The following PRKAG2 variants were observed in gnomAD, a reference collection of about 807,000 sequenced individuals.
PRKAG2 encodes protein kinase AMP-activated non-catalytic subunit gamma 2.
In PRKAG2, 26 loss-of-function variants were observed where a neutral mutation model predicts 69.6. The observed-to-expected ratio is 0.37, with a 90% CI of 0.27 to 0.52. The LOEUF is 0.52. Ranked by LOEUF, PRKAG2 falls within the 20% of genes least tolerant of loss-of-function variation. The pLI is 0.90. For synonymous variants in PRKAG2, 293 were observed against 285.0 expected (o/e 1.03, Z -0.28); for missense variants, 557 against 740.0 (o/e 0.75, Z 2.87).
At chr7:151,574,033 C>A (rs1182718480) in intron 8 of PRKAG2, among the ~76,000 whole-genome samples, 1 of 152,206 alleles carries the variant, frequency 6.6e-6, no homozygotes, top group South Asian at 2.1e-4. Flanking sequence ...CTTACTTCGG[C>A]TTCCCAAAGT....
chr7:151,649,221 G>T (rs370179047), intron 4 of PRKAG2, among the ~76,000 whole-genome samples: 14 of 152,220 alleles, frequency 9.2e-5, no homozygotes, highest in East Asian at 3.9e-4. Context: ...CACCTCCCAG[G>T]TTCAAACGAT....
chr7:151,870,574 G>C (rs1454373119), intron 1 of PRKAG2, among the ~76,000 whole-genome samples: 5 of 152,194 alleles, frequency 3.3e-5, no homozygotes, highest in Non-Finnish European at 5.9e-5. Context: ...GCTTCCATCC[G>C]GAGCGTTTCA....
chr7:151,560,678 T>G (rs1804742403), intron 14 of PRKAG2, 61 bp from the exon 15 acceptor site: 2 of 1,588,180 alleles, frequency 1.3e-6, no homozygotes, highest in African/African-American at 2.7e-5. Context: ...AAAATGGACA[T>G]GAGAAATAAT....
intron 2 of PRKAG2, among the ~76,000 whole-genome samples, chr7:151,785,508 T>G (rs1434438903): frequency 2.6e-5 from 4 of 152,208 alleles, no homozygotes; most frequent in Non-Finnish European, 5.9e-5. Flanking sequence ...CTGGCACCAG[T>G]GGAGCCCCAC....
intron 2 of PRKAG2, among the ~76,000 whole-genome samples, chr7:151,782,380 A>AGGGAGGGAGG (rs1563663670): frequency 1.6e-4 from 10 of 61,762 alleles, no homozygotes; most frequent in Admixed American, 1.7e-4. Flanking sequence ...AGGGAAGGAA[A>AGGGAGGGAGG]GAAGGAAGGA....
chr7:151,594,830 C>CA (rs930518200), intron 6 of PRKAG2, among the ~76,000 whole-genome samples: 1 of 151,838 alleles, frequency 6.6e-6, no homozygotes, highest in Non-Finnish European at 1.5e-5. Context: ...GATGGAGTCT[C>CA]ACTCTGTTGC....
At chr7:151,577,600 A>C (rs1355754851) in intron 6 of PRKAG2, among the ~76,000 whole-genome samples, 1 of 152,200 alleles carries the variant, frequency 6.6e-6, no homozygotes, top group Non-Finnish European at 1.5e-5. Context: ...AGAATCACAA[A>C]GTATTCATAT....
intron 1 of PRKAG2, among the ~76,000 whole-genome samples, chr7:151,827,402 CTAA>C (rs758461825): frequency 3.3e-5 from 5 of 152,032 alleles, no homozygotes; most frequent in Non-Finnish European, 7.4e-5. Flanking sequence ...CCACACCCAG[CTAA>C]TGTTTGTATT....
At chr7:151,815,348 G>T (rs889443574) in intron 1 of PRKAG2, among the ~76,000 whole-genome samples, 1 of 152,136 alleles carries the variant, frequency 6.6e-6, no homozygotes, top group African/African-American at 2.4e-5. Context: ...AATTCCTGGA[G>T]ATAGTAAGCA....
Position 151,771,407 on chromosome 7 carries a change from G to C in PRKAG2, c.466+9745C>G, listed in dbSNP as rs2076013953. 6.6e-6 allele frequency among the ~76,000 whole-genome samples: 1 copy of C among 152,178 alleles called. No homozygotes were observed. Among genetic ancestry groups the C allele is most frequent in the Non-Finnish European group, 1.5e-5 (1 of 68,028 alleles). On this transcript the variant is annotated intron_variant, in intron 3 of 15. Transcript: ENST00000287878. This position sits in a 1 kb window ranked among gnomAD's most constrained non-coding sequence, Gnocchi z 4.0. ...TGGTGGAATGGGAGGTGGGTGCTTA[G>C]GGATTATTCCACTTCCTCCTTTCCT... is the stretch of plus-strand genomic sequence containing the variant.
Position 151,789,631 on chromosome 7 carries a change from A to G in PRKAG2, c.115-3090T>C, listed in dbSNP as rs1371668014. Among the ~76,000 whole-genome samples the G allele has an allele frequency of 2.6e-5, 4 of 152,362 alleles. No individual in the cohort carries two copies. The South Asian group carries it at 8.3e-4, about 32-fold the overall frequency. On this transcript the variant is annotated intron_variant, in intron 1 of 15. Transcript: ENST00000287878. ...CAGGCCTGGCTGACTGAGACACGCC[A>G]GTGAGATCTCAGATGTGCAGATTCC...
intron 3 of PRKAG2, among the ~76,000 whole-genome samples, chr7:151,750,337 G>T (rs1474871892): frequency 6.6e-6 from 1 of 152,136 alleles, no homozygotes; most frequent in Non-Finnish European, 1.5e-5. Context: ...TTCACAAAAG[G>T]TGGAAACAAC....
At chr7:151,854,966 CCCTCCACACACACCAT>C (rs2079671431) in intron 1 of PRKAG2, among the ~76,000 whole-genome samples, 1 of 25,224 alleles carries the variant, frequency 4.0e-5, no homozygotes, top group Non-Finnish European at 9.9e-5. Flanking sequence ...CCACATACCA[CCCTCCACACACACCAT>C]GCTCCACACA....
intron 5 of PRKAG2, among the ~76,000 whole-genome samples, chr7:151,630,911 A>G (rs2151318425): frequency 1.3e-5 from 2 of 152,240 alleles, no homozygotes; most frequent in South Asian, 4.1e-4. Context: ...CAATAAATAC[A>G]GACAAACACT....
At chr7:151,765,081 G>A (rs181435573) in intron 3 of PRKAG2, among the ~76,000 whole-genome samples, 50 of 152,360 alleles carry the variant, frequency 3.3e-4, no homozygotes, top group Middle Eastern at 6.8e-3. Flanking sequence ...GTCAAGGTGT[G>A]TGTGAGCCCG....
chr7:151,814,668 G>A lies in PRKAG2; in HGVS notation c.115-28127C>T, dbSNP rs528279749. The A allele has an allele frequency of 8.9e-6, 11 of 1,231,830 alleles. No homozygotes were observed. In the East Asian group the frequency reaches 2.5e-4, roughly 28 times the overall value. 76.3% of individuals were successfully genotyped at this position (1,231,830 alleles called of 1,614,324 possible). A position where few individuals can be genotyped will look rare whatever the true frequency, so the allele number is the denominator to read the frequency against. ...TCTGCAACAGATGGGGACCGGGGCTGGGTGTGTTCCCAGTCCCCAAGGCAG... is the reference window on the plus strand; with the variant it reads ...TCTGCAACAGATGGGGACCGGGGCTAGGTGTGTTCCCAGTCCCCAAGGCAG... On this transcript the variant is annotated intron_variant, in intron 1 of 15. Transcript: ENST00000287878. This position sits in a 1 kb window ranked among gnomAD's most constrained non-coding sequence, Gnocchi z 4.8.
intron 3 of PRKAG2, among the ~76,000 whole-genome samples, chr7:151,735,425 G>T (rs1408970505): frequency 6.6e-6 from 1 of 152,112 alleles, no homozygotes. Context: ...TCCTCATGGG[G>T]CACAAATTAG....
intron 1 of PRKAG2, among the ~76,000 whole-genome samples, chr7:151,873,171 C>A (rs1475002982): frequency 6.6e-6 from 1 of 152,216 alleles, no homozygotes; most frequent in Non-Finnish European, 1.5e-5. Flanking sequence ...CTCTCAAACC[C>A]TTTCGCCAGG....
At chr7:151,854,386 T>C (rs2079653530) in intron 1 of PRKAG2, among the ~76,000 whole-genome samples, 1 of 152,212 alleles carries the variant, frequency 6.6e-6, no homozygotes, top group Admixed American at 6.5e-5. Flanking sequence ...TGGATGCTTG[T>C]GGGGCCTGAG....
Sources: gnomAD v4.1 joint callset for allele counts (sites outside exome capture counted in the v4.1 genomes callset) on GRCh38, gnomAD v4.1.1 for gene constraint, Gnocchi (gnomAD v3.1) non-coding constraint, MANE v1.5 for transcripts, NCBI Gene and HGNC (gene_info 2026-07-23, HGNC 2026-07-21) for gene names.